The following LMBRD2 variants were observed in gnomAD, a reference collection of about 807,000 sequenced individuals.
The protein encoded by LMBRD2 is G protein-coupled receptor-associated protein LMBRD2.
A neutral mutation model predicts 94.4 loss-of-function variants in LMBRD2; 55 were observed. The ratio of observed to expected loss-of-function variants is 0.58; its 90% CI spans 0.47 to 0.73. LMBRD2 has a LOEUF of 0.73. Ranked by LOEUF, LMBRD2 falls within the 30% of genes least tolerant of loss-of-function variation. The pLI is 0.00. For synonymous variants in LMBRD2, 246 were observed against 272.4 expected, an observed-to-expected ratio of 0.90 and a Z score of 0.95; for missense variants, 640 against 831.9, an observed-to-expected ratio of 0.77 and a Z score of 2.84.
intron 16 of LMBRD2, among the ~76,000 whole-genome samples, chr5:36,107,355 G>C (rs1271547929): frequency 6.6e-6 from 1 of 151,438 alleles, no homozygotes; most frequent in Non-Finnish European, 1.5e-5. Flanking sequence ...GTCTGGTTAT[G>C]TTCACTATTT....
intron 9 of LMBRD2, among the ~76,000 whole-genome samples, chr5:36,118,184 A>G (rs1483055804): frequency 6.6e-6 from 1 of 152,168 alleles, no homozygotes; most frequent in Non-Finnish European, 1.5e-5. Flanking sequence ...CTTGCGTCTA[A>G]TTTTAAAGAA....
At chr5:36,137,896 G>T (rs995335949) in intron 4 of LMBRD2, among the ~76,000 whole-genome samples, 2 of 152,178 alleles carry the variant, frequency 1.3e-5, no homozygotes, top group Non-Finnish European at 2.9e-5. Flanking sequence ...CAGGGTTCAG[G>T]AGAGCGGACT....
intron 4 of LMBRD2, among the ~76,000 whole-genome samples, chr5:36,139,516 A>C (rs984683833): frequency 4.6e-5 from 7 of 152,224 alleles, no homozygotes; most frequent in African/African-American, 1.7e-4. Flanking sequence ...CCAGGCCATC[A>C]GCTCTGTGGA....
intron 9 of LMBRD2, among the ~76,000 whole-genome samples, chr5:36,119,912 C>G (rs963652952): frequency 5.9e-5 from 9 of 152,160 alleles, no homozygotes; most frequent in African/African-American, 2.2e-4. Flanking sequence ...TTCACTATTT[C>G]CCACCATCTC....
chr5:36,111,258 A>G lies in LMBRD2; in HGVS notation c.1641T>C (p.Ser547=), dbSNP rs2111849961. 1 of 1,602,630 alleles carries G rather than the reference A, an allele frequency of 6.2e-7. No homozygotes were observed. Among genetic ancestry groups the G allele is most frequent in the East Asian group, 2.2e-5 (1 of 44,674 alleles). ...VVILCIATYF[S]LGTRCLNLLG... is the part of the protein sequence containing the mutation. ...GCAGATTCAAACAACGGGTTCCCAA[A>G]CTAATAAAAGCAGATTTTTTAAAAA... is the stretch of plus-strand genomic sequence containing the variant. The change falls in exon 14 of 18, where the codon AGT becomes AGC. Residue 547 remains serine, a splice_region_variant and synonymous_variant. Transcript: ENST00000296603.
At chr5:36,113,133 C>T (rs1743652913) in intron 13 of LMBRD2, among the ~76,000 whole-genome samples, 1 of 152,148 alleles carries the variant, frequency 6.6e-6, no homozygotes, top group Admixed American at 6.6e-5. Context: ...GATAACCCAG[C>T]ACCGCGCCCT....
intron 7 of LMBRD2, among the ~76,000 whole-genome samples, chr5:36,123,204 T>C (rs11948259): frequency 0.31 from 47,181 of 151,914 alleles, 8,138 homozygotes; most frequent in Non-Finnish European, 0.39. Context: ...CAGATAGGTA[T>C]AGATGGCTAT....
Position 36,108,642 on chromosome 5 carries a change from A to G in LMBRD2, c.1792-3T>C. The G allele has an allele frequency of 1.4e-6, 2 of 1,408,302 alleles. No homozygotes were observed. The highest frequency in any genetic ancestry group is 2.0e-6 in the Non-Finnish European group (2 of 1,021,162). 87.2% of individuals were successfully genotyped at this position (1,408,302 alleles called of 1,614,324 possible). The stretch of plus-strand genomic sequence containing the variant: ...TGTCCATAACGTTCTTTCCATTCCT[A>G]GAAAAGAAGCACAAATAATCATATA... On this transcript the variant is annotated splice_region_variant and splice_polypyrimidine_tract_variant and intron_variant, in intron 15 of 17. Coordinates refer to ENST00000296603, the MANE Select transcript of LMBRD2 (RefSeq NM_001007527.2).
intron 16 of LMBRD2, among the ~76,000 whole-genome samples, chr5:36,105,795 C>A (rs970865246): frequency 2.6e-5 from 4 of 152,066 alleles, no homozygotes; most frequent in Non-Finnish European, 5.9e-5. Flanking sequence ...TGCTCAATAG[C>A]CACGTGTGGC....
chr5:36,144,665 CAA>C (rs1413121682), intron 1 of LMBRD2, among the ~76,000 whole-genome samples: 1 of 152,038 alleles, frequency 6.6e-6, no homozygotes, highest in Non-Finnish European at 1.5e-5. Context: ...GCCTGGGCAA[CAA>C]GAGCAAAATT....
chr5:36,143,090 G>T, intron 2 of LMBRD2, 86 bp downstream of exon 2: 1 of 890,852 alleles, frequency 1.1e-6, no homozygotes, highest in Non-Finnish European at 1.7e-6. Flanking sequence ...ACATAACTTA[G>T]CTGTCTTAAG....
At chr5:36,117,669 G>T in intron 10 of LMBRD2, 66 bp downstream of exon 10, 1 of 1,127,240 alleles carries the variant, frequency 8.9e-7, no homozygotes. Flanking sequence ...GAAATACATG[G>T]AGAAAATAGT....
At chr5:36,140,422 G>A (rs1463960428) in intron 4 of LMBRD2, among the ~76,000 whole-genome samples, 1 of 152,214 alleles carries the variant, frequency 6.6e-6, no homozygotes, top group African/African-American at 2.4e-5. Context: ...CAGCGGGCCT[G>A]AGTAAAATTC....
At chr5:36,120,102 A>C (rs1743853578) in intron 9 of LMBRD2, among the ~76,000 whole-genome samples, 1 of 142,164 alleles carries the variant, frequency 7.0e-6, no homozygotes. Flanking sequence ...TTCTGTCCCC[A>C]GGCTGGAGTG....
Position 36,127,476 on chromosome 5 carries a change from T to G in LMBRD2, c.748-3211A>C, listed in dbSNP as rs999309498. On this transcript the variant is annotated intron_variant, in intron 6 of 17. Transcript: ENST00000296603. ...CTAAGTGGGCTCTTGGGGCCCCAGA[T>G]TGCAGGACTCGGCTCTTAGACAGCA... Among the ~76,000 whole-genome samples, 10 of 152,202 alleles carry G rather than the reference T, an allele frequency of 6.6e-5. No individual in the cohort carries two copies. In the South Asian group the frequency reaches 2.1e-3, roughly 31 times the overall value.
chr5:36,142,432 TAA>T (rs138067690), intron 3 of LMBRD2, 68 bp downstream of exon 3: 1 of 853,374 alleles, frequency 1.2e-6, no homozygotes, highest in East Asian at 2.5e-5. Context: ...GTCTGGATGG[TAA>T]AAACTTTCAA....
In LMBRD2 at chr5:36,142,519, A is replaced by T. The variant is rs1454732630; in HGVS notation, c.255T>A (p.Thr85=). ...ENSNITGLYA[T]ANPVPSQHPC... is the part of the protein sequence containing the mutation. ...GGAAATACCTTGGAACAGGGTTAGC[A>T]GTTGCGTACAATCCTGTAATGTTGC... The change falls in exon 3 of 18, where the codon ACT becomes ACA. Residue 85 remains threonine, a synonymous_variant. Transcript: ENST00000296603. 2 of 1,594,792 alleles carry T rather than the reference A, an allele frequency of 1.3e-6. No homozygotes were observed. Among genetic ancestry groups the T allele is most frequent in the East Asian group, 4.5e-5 (2 of 44,762 alleles).
At chr5:36,124,656 A>AG (rs2111877603) in intron 6 of LMBRD2, among the ~76,000 whole-genome samples, 1 of 152,360 alleles carries the variant, frequency 6.6e-6, no homozygotes, top group African/African-American at 2.4e-5. Flanking sequence ...CAGAGGAAGC[A>AG]GAAAAGGCTA....
At chr5:36,119,448 C>T (rs977724231) in intron 9 of LMBRD2, among the ~76,000 whole-genome samples, 1 of 152,150 alleles carries the variant, frequency 6.6e-6, no homozygotes, top group African/African-American at 2.4e-5. Context: ...ACCCTTCCTT[C>T]CTCATGCAGC....
Sources: allele counts gnomAD v4.1 joint callset (sites outside exome capture counted in the v4.1 genomes callset), GRCh38; gene constraint gnomAD v4.1.1; transcripts MANE v1.5; gene names NCBI Gene and HGNC (gene_info 2026-07-23, HGNC 2026-07-21).